CALN1: variants seen among roughly 807,000 people sequenced by gnomAD.
The protein encoded by CALN1 is calneuron 1, also known as calcium-binding protein 8.
CALN1 carries 17 observed loss-of-function variants against 30.6 expected under a neutral mutation model. The ratio of observed to expected loss-of-function variants is 0.56; its 90% confidence interval spans 0.38 to 0.83. The LOEUF is 0.83. Ranked by LOEUF, CALN1 falls within the 40% of genes least tolerant of loss-of-function variation. CALN1 has a pLI of 0.00. For synonymous variants in CALN1, 156 were observed against 131.4 expected (o/e 1.19, Z -1.28); for missense variants, 291 against 354.9 (o/e 0.82, Z 1.45).
intron 3 of CALN1, among the ~76,000 whole-genome samples, chr7:72,148,637 G>A (rs1786969400): frequency 6.6e-6 from 1 of 150,498 alleles, no homozygotes. Context: ...GGGCATGGTG[G>A]CTCACGCCTG....
chr7:72,121,240 ATAT>A (rs1808361677), intron 3 of CALN1, among the ~76,000 whole-genome samples: 6 of 142,050 alleles, frequency 4.2e-5, no homozygotes, highest in Admixed American at 3.7e-4. Context: ...TATAATTAAT[ATAT>A]TATAATACAT....
intron 1 of CALN1, among the ~76,000 whole-genome samples, chr7:72,426,924 C>T (rs1458540392): frequency 6.6e-6 from 1 of 152,204 alleles, no homozygotes; most frequent in African/African-American, 2.4e-5. Flanking sequence ...AAGCCCCTGT[C>T]TTCCCCCTCC....
intron 3 of CALN1, among the ~76,000 whole-genome samples, chr7:72,151,539 C>A (rs1449808502): frequency 6.6e-6 from 1 of 152,090 alleles, no homozygotes; most frequent in Non-Finnish European, 1.5e-5. Flanking sequence ...CGTAATAGAC[C>A]CACACGTCAC....
intron 3 of CALN1, among the ~76,000 whole-genome samples, chr7:72,266,989 T>A (rs1324592347): frequency 6.6e-6 from 1 of 152,212 alleles, no homozygotes; most frequent in African/African-American, 2.4e-5. Flanking sequence ...GAGCTGTATA[T>A]CTGACACTCC....
the CALN1 span, among the ~76,000 whole-genome samples, chr7:72,489,842 A>G: frequency 1.3e-5 from 2 of 151,656 alleles, no homozygotes; most frequent in African/African-American, 4.8e-5. Context: ...CTTCCTTATC[A>G]CTCCCCAATT....
chr7:72,016,171 C>A (rs1173304312), intron 5 of CALN1, among the ~76,000 whole-genome samples: 1 of 150,214 alleles, frequency 6.7e-6, no homozygotes, highest in African/African-American at 2.5e-5. Context: ...ATTGCTTGAA[C>A]CCAGGAGGTG....
Position 72,328,064 on chromosome 7 carries a change from G to T in CALN1, c.120-49254C>A, listed in dbSNP as rs1454397521. 2.0e-5 allele frequency among the ~76,000 whole-genome samples: 3 copies of T among 152,074 alleles called. No homozygotes were observed. The South Asian group carries it at 6.2e-4, about 32-fold the overall frequency. On this transcript the variant is annotated intron_variant, in intron 2 of 6. Transcript: ENST00000395275. ...GTATTGAGAATGAGAGTGAAGAAAG[G>T]TGCCTTCCAAGTTCTATGTAACATT...
At chr7:72,341,432 A>G (rs1170764368) in intron 2 of CALN1, among the ~76,000 whole-genome samples, 2 of 152,232 alleles carry the variant, frequency 1.3e-5, no homozygotes, top group Non-Finnish European at 2.9e-5. Flanking sequence ...CTGAGGCACA[A>G]GAATCGCTTG....
intron 3 of CALN1, among the ~76,000 whole-genome samples, chr7:72,218,726 G>A (rs1393149466): frequency 6.6e-6 from 1 of 152,220 alleles, no homozygotes. Context: ...CCCTGGGAGA[G>A]TAGGGACTAG....
chr7:71,852,344 A>G (rs1169310985), intron 5 of CALN1, among the ~76,000 whole-genome samples: 5 of 152,008 alleles, frequency 3.3e-5, no homozygotes, highest in Non-Finnish European at 7.4e-5. Flanking sequence ...TTAGCTTTAT[A>G]AGAAACTGCC....
intron 4 of CALN1, among the ~76,000 whole-genome samples, chr7:72,092,384 C>T (rs1193058588): frequency 6.6e-6 from 1 of 151,986 alleles, no homozygotes; most frequent in Non-Finnish European, 1.5e-5. Flanking sequence ...GTTCCAGAAT[C>T]ACTTAAAAAG....
At chr7:72,267,127 T>C (rs549088186) in intron 3 of CALN1, among the ~76,000 whole-genome samples, 1 of 152,174 alleles carries the variant, frequency 6.6e-6, no homozygotes. Context: ...TGTTTCTGCC[T>C]CCTTCAAACC....
At chr7:72,306,164 A>C in intron 2 of CALN1, among the ~76,000 whole-genome samples, 1 of 152,316 alleles carries the variant, frequency 6.6e-6, no homozygotes, top group East Asian at 1.9e-4. Flanking sequence ...GAAGAAAATC[A>C]AAAAATTTTA....
chr7:72,403,428 G>A lies in CALN1; in HGVS notation c.-59C>T, dbSNP rs1226009747. The A allele has an allele frequency of 8.8e-6, 12 of 1,359,624 alleles. No individual in the cohort carries two copies. The highest frequency in any genetic ancestry group is 1.8e-4 in the Middle Eastern group (1 of 5,536). 84.2% of individuals were successfully genotyped at this position (1,359,624 alleles called of 1,614,324 possible). The stretch of plus-strand genomic sequence containing the variant: ...AGAAGCTCATCAAAGGAACGTCAGC[G>A]AAGGCACTGAGACTCTGAAAGGAGT... On this transcript the variant is annotated 5_prime_UTR_variant, in exon 2 of 7. Transcript: ENST00000395275.
intron 5 of CALN1, among the ~76,000 whole-genome samples, chr7:72,020,710 G>T (rs907326979): frequency 2.5e-4 from 38 of 152,110 alleles, no homozygotes; most frequent in Non-Finnish European, 3.7e-4. Flanking sequence ...AGAAAATCTT[G>T]AGTAAGACAA....
intron 5 of CALN1, among the ~76,000 whole-genome samples, chr7:71,888,336 C>T (rs1057036166): frequency 6.6e-6 from 1 of 151,760 alleles, no homozygotes; most frequent in Non-Finnish European, 1.5e-5. Flanking sequence ...GTAGGGATGA[C>T]TGCAGAACTC....
At chr7:71,870,329 G>A (rs1199731090) in intron 5 of CALN1, among the ~76,000 whole-genome samples, 2 of 151,562 alleles carry the variant, frequency 1.3e-5, no homozygotes, top group African/African-American at 2.4e-5. Flanking sequence ...GTTGCAGTGA[G>A]CCAAGATGGC....
At chr7:72,479,584 G>A in the CALN1 span, among the ~76,000 whole-genome samples, 8 of 140,250 alleles carry the variant, frequency 5.7e-5, no homozygotes, top group East Asian at 2.0e-4. Flanking sequence ...ATGGAGTCCC[G>A]CTCTGTCACC....
chr7:71,959,415 T>TGA (rs1178211530), intron 5 of CALN1, among the ~76,000 whole-genome samples: 1 of 152,098 alleles, frequency 6.6e-6, no homozygotes, highest in African/African-American at 2.4e-5. Flanking sequence ...CTAAGATGGG[T>TGA]GAGAGGCAAG....
Sources: gnomAD v4.1 joint callset for allele counts (sites outside exome capture counted in the v4.1 genomes callset) on GRCh38, gnomAD v4.1.1 for gene constraint, MANE v1.5 for transcripts, NCBI Gene and HGNC (gene_info 2026-07-23, HGNC 2026-07-21) for gene names.